The following DNAJB11 variants were observed in gnomAD, a reference collection of about 807,000 sequenced individuals.
The protein encoded by DNAJB11 is dnaJ homolog subfamily B member 11.
DNAJB11 carries 30 observed loss-of-function variants against 47.2 expected under a neutral mutation model. That is an observed-to-expected ratio of 0.64 (90% CI 0.48 to 0.86). The LOEUF (loss-of-function observed/expected upper bound fraction) is 0.86. Among genes scored for constraint, DNAJB11 ranks in the 40% least tolerant of loss-of-function variants. The pLI is 0.00. For missense variants in DNAJB11, 357 were observed against 440.2 expected, an observed-to-expected ratio of 0.81 and a Z score of 1.69; for synonymous variants, 151 against 159.9, an observed-to-expected ratio of 0.94 and a Z score of 0.42.
At chr3:186,577,183 A>T (rs1248607871) in intron 3 of DNAJB11, among the ~76,000 whole-genome samples, 2 of 152,212 alleles carry the variant, frequency 1.3e-5, no homozygotes, top group Non-Finnish European at 2.9e-5. Context: ...GCTTCTTTCA[A>T]CAAGTTAGCT....
Position 186,584,486 on chromosome 3 carries a change from G to A in DNAJB11, c.909G>A (p.Gly303=), listed in dbSNP as rs1454168683. The change falls in exon 9 of 10, where the codon GGG becomes GGA. Residue 303 remains glycine (G), a synonymous_variant. Coordinates refer to ENST00000265028, the MANE Select transcript of DNAJB11 (RefSeq NM_016306.6). The part of the protein sequence containing the change: ...TRPGAKLWKK[G]EGLPNFDNNN... ...CAGGAGCGAAGCTATGGAAGAAAGG[G>A]GAAGGGCTCCCCAACTTTGACAACA... is the stretch of plus-strand genomic sequence containing the variant. 5 of 1,599,940 alleles carry A rather than the reference G, an allele frequency of 3.1e-6. No individual in the cohort carries two copies. In the African/African-American group the frequency reaches 6.8e-5, roughly 22 times the overall value.
chr3:186,572,060 T>C (rs371162691), intron 1 of DNAJB11, 35 bp from the exon 2 acceptor site: 128 of 1,508,114 alleles, frequency 8.5e-5, no homozygotes, highest in Non-Finnish European at 1.1e-4. Context: ...AACATGTAAC[T>C]CTTTAATGAA....
At chr3:186,575,694 T>G in intron 2 of DNAJB11, 146 bp from the exon 3 acceptor site, 1 of 521,696 alleles carries the variant, frequency 1.9e-6, no homozygotes, top group Non-Finnish European at 3.4e-6. Context: ...ACTTTGTAAA[T>G]ATGCCTTAAT....
intron 8 of DNAJB11, 114 bp downstream of exon 8, chr3:186,584,090 T>G: frequency 1.3e-6 from 1 of 773,176 alleles, no homozygotes; most frequent in Non-Finnish European, 2.2e-6. Context: ...TTCTTGGTCG[T>G]ATTCTGCCGT....
At chr3:186,573,542 T>A (rs4686431) in intron 2 of DNAJB11, among the ~76,000 whole-genome samples, 2 of 151,880 alleles carry the variant, frequency 1.3e-5, no homozygotes, top group East Asian at 3.9e-4. Context: ...TGCACCACCA[T>A]GCCCAGCTAA....
chr3:186,571,350 G>C (rs930821454), intron 1 of DNAJB11, among the ~76,000 whole-genome samples: 3 of 152,216 alleles, frequency 2.0e-5, no homozygotes, highest in African/African-American at 7.2e-5. Context: ...GACAGTGCCA[G>C]GCTGAGGTTG....
intron 3 of DNAJB11, 85 bp downstream of exon 3, chr3:186,576,022 A>C (rs1715279485): frequency 3.0e-6 from 3 of 1,005,082 alleles, no homozygotes; most frequent in Non-Finnish European, 4.6e-6. Context: ...TCCCTAGTTC[A>C]GAAACTTTTG....
intron 1 of DNAJB11, among the ~76,000 whole-genome samples, chr3:186,571,499 G>C (rs2108472386): frequency 6.6e-6 from 1 of 152,348 alleles, no homozygotes; most frequent in South Asian, 2.1e-4. Context: ...GCCAGCCCGA[G>C]TTGGGACTGA....
In DNAJB11 at chr3:186,583,885, G is replaced by A; in HGVS notation, c.761G>A (p.Arg254Lys). The change falls in exon 8 of 10, where the codon AGA becomes AAA. Residue 254 changes from arginine to lysine, a missense_variant. Transcript: ENST00000265028. Reference sequence around the variant, plus strand: ...TTTAGGCACCCAATATTTGAAAGGAGAGGAGATGATTTGTACACAAATGTG... The same window carrying A: ...TTTAGGCACCCAATATTTGAAAGGAAAGGAGATGATTTGTACACAAATGTG... ...KVVKHPIFER[R>K]GDDLYTNVTI... 1 of 1,613,470 alleles carries A rather than the reference G, an allele frequency of 6.2e-7. No individual in the cohort carries two copies. The highest frequency in any genetic ancestry group is 8.5e-7 in the Non-Finnish European group (1 of 1,179,444).
At chr3:186,582,652 G>T in intron 6 of DNAJB11, 64 bp from the exon 7 acceptor site, 2 of 1,361,034 alleles carry the variant, frequency 1.5e-6, no homozygotes, top group Non-Finnish European at 2.1e-6. Flanking sequence ...TGTATCAGTT[G>T]CCAAATAGAT....
At chr3:186,575,352 CAT>C (rs1491509688) in intron 2 of DNAJB11, among the ~76,000 whole-genome samples, 2 of 114,878 alleles carry the variant, frequency 1.7e-5, no homozygotes, top group Non-Finnish European at 3.4e-5. Context: ...TCTCCTAATA[CAT>C]GCGCGCGCGC....
intron 1 of DNAJB11, 67 bp downstream of exon 1, chr3:186,571,032 T>TGGGGGGGGGGGGGGGGG: frequency 9.9e-6 from 2 of 201,990 alleles, no homozygotes; most frequent in Non-Finnish European, 2.0e-5. Flanking sequence ...TGGGAGGGGG[T>TGGGGGGGGGGGGGGGGG]GGGGGAAGTG....
Position 186,584,516 on chromosome 3 carries a change from T to C in DNAJB11, c.939T>C (p.Asn313=), listed in dbSNP as rs1715604549. ...GGCTCCCCAACTTTGACAACAACAA[T>C]ATCAAGGGCTCTTTGATAATCACTT... ...GEGLPNFDNN[N]IKGSLIITFD... The change falls in exon 9 of 10, where the codon AAT becomes AAC. Residue 313 remains asparagine (N), a synonymous_variant. Transcript: ENST00000265028. 1 of 1,602,728 alleles carries C rather than the reference T, an allele frequency of 6.2e-7. No homozygotes were observed. Among genetic ancestry groups the C allele is most frequent in the African/African-American group, 1.4e-5 (1 of 73,892 alleles).
intron 4 of DNAJB11, chr3:186,578,041 G>A (rs2108480294): frequency 3.9e-6 from 1 of 257,586 alleles, no homozygotes; most frequent in Non-Finnish European, 7.3e-6. Context: ...CTACTTCCCT[G>A]TTCCATTACC....
At position 186,570,885 on chromosome 3, in the gene DNAJB11, G is replaced by A; in HGVS notation, c.-13G>A. 6.2e-7 allele frequency: 1 copy of A among 1,603,138 alleles called. No individual in the cohort carries two copies. On this transcript the variant is annotated 5_prime_UTR_variant, in exon 1 of 10. Transcript: ENST00000265028. ...TGAGGAGTGTGTGGAACAGGACCCG[G>A]GACAGAGGAACCATGGCTCCGCAGA...
chr3:186,577,817 T>G lies in DNAJB11; in HGVS notation c.456+17T>G. The stretch of plus-strand genomic sequence containing the variant: ...TTTGTGGAAGTAAGTTCAAACAATA[T>G]AGCTGTTCATATTGACTCCCAGAAC... On this transcript the variant is annotated intron_variant, in intron 4 of 9. Transcript: ENST00000265028. 2 of 1,576,314 alleles carry G rather than the reference T, an allele frequency of 1.3e-6. No individual in the cohort carries two copies. The highest frequency in any genetic ancestry group is 1.7e-6 in the Non-Finnish European group (2 of 1,164,404).
intron 6 of DNAJB11, 118 bp from the exon 7 acceptor site, chr3:186,582,598 C>T: frequency 1.3e-6 from 1 of 785,578 alleles, no homozygotes; most frequent in Non-Finnish European, 2.2e-6. Flanking sequence ...ACACTGCCGT[C>T]ACAGATTTGA....
intron 7 of DNAJB11, among the ~76,000 whole-genome samples, 162 bp from the exon 8 acceptor site, chr3:186,583,703 A>G (rs1031674755): frequency 2.0e-5 from 3 of 152,212 alleles, no homozygotes; most frequent in Non-Finnish European, 4.4e-5. Context: ...ATTTAATAAG[A>G]CTTAAACAAC....
intron 7 of DNAJB11, 124 bp from the exon 8 acceptor site, chr3:186,583,741 A>G: frequency 1.4e-6 from 1 of 702,306 alleles, no homozygotes; most frequent in Non-Finnish European, 2.5e-6. Flanking sequence ...TACTACACAC[A>G]AAAGTATGTC....
Sources: allele counts gnomAD v4.1 joint callset (sites outside exome capture counted in the v4.1 genomes callset), GRCh38; gene constraint gnomAD v4.1.1; transcripts MANE v1.5; gene names NCBI Gene and HGNC (gene_info 2026-07-23, HGNC 2026-07-21).